KIAA1217: variants seen among roughly 807,000 people sequenced by gnomAD.
KIAA1217 encodes KIAA1217, also known as sickle tail protein homolog.
Under a neutral mutation model 163.9 loss-of-function variants are expected in KIAA1217, and 88 were observed. The observed-to-expected ratio is 0.54, with a 90% confidence interval of 0.45 to 0.64. KIAA1217 has a LOEUF of 0.64. Among genes scored for constraint, KIAA1217 ranks in the 30% least tolerant of loss-of-function variants. The pLI is 0.00. For synonymous variants in KIAA1217, 903 were observed against 923.1 expected (o/e 0.98, Z 0.39); for missense variants, 2,372 against 2,475.0 (o/e 0.96, Z 0.88).
At chr10:24,542,100 G>A (rs553895664) in intron 17 of KIAA1217, among the ~76,000 whole-genome samples, 7 of 152,044 alleles carry the variant, frequency 4.6e-5, no homozygotes, top group South Asian at 2.1e-4. Context: ...ATGTTTTTTC[G>A]TCCCCAAATG....
At chr10:24,137,019 G>A (rs931617618) in intron 2 of KIAA1217, among the ~76,000 whole-genome samples, 9 of 152,214 alleles carry the variant, frequency 5.9e-5, no homozygotes, top group South Asian at 2.1e-4. Context: ...GAAAGATGAC[G>A]GTGTCATTAA....
At chr10:23,720,903 A>T (rs1837846277) in intron 1 of KIAA1217, among the ~76,000 whole-genome samples, 1 of 152,166 alleles carries the variant, frequency 6.6e-6, no homozygotes, top group Non-Finnish European at 1.5e-5. Flanking sequence ...TAAGGGATGA[A>T]AAATATGAGT....
In KIAA1217 at chr10:24,030,153, C is replaced by T. The variant is rs139192234; in HGVS notation, c.-171+22779C>T. On this transcript the variant is annotated intron_variant, in intron 2 of 18. Transcript: ENST00000376462. Reference sequence around the variant, plus strand: ...TATCATTGTGATAAAATAGGCATAACATAAAATTCACCATTTTAAGCATTT... The same window carrying T: ...TATCATTGTGATAAAATAGGCATAATATAAAATTCACCATTTTAAGCATTT... Among the ~76,000 whole-genome samples, 63 of 152,284 alleles carry T rather than the reference C, an allele frequency of 4.1e-4. No homozygotes were observed. In the South Asian group the frequency reaches 0.012, roughly 29 times the overall value.
chr10:23,790,711 A>ATG (rs1554795381), intron 1 of KIAA1217, among the ~76,000 whole-genome samples: 8 of 140,376 alleles, frequency 5.7e-5, no homozygotes, highest in African/African-American at 2.1e-4. Context: ...ACACATATAT[A>ATG]TATGTATGTA....
intron 2 of KIAA1217, among the ~76,000 whole-genome samples, chr10:24,144,208 AC>A (rs1179227717): frequency 6.6e-6 from 1 of 152,246 alleles, no homozygotes; most frequent in Admixed American, 6.5e-5. Context: ...ACAAGGGGCT[AC>A]CTTCTCCATG....
intron 1 of KIAA1217, among the ~76,000 whole-genome samples, chr10:23,767,487 G>A (rs1029825039): frequency 6.6e-6 from 1 of 152,162 alleles, no homozygotes; most frequent in African/African-American, 2.4e-5. Context: ...TGTAATCCCA[G>A]CACTATGGGA....
At chr10:24,507,292 CAT>C (rs774085822) in intron 9 of KIAA1217, among the ~76,000 whole-genome samples, 2 of 152,144 alleles carry the variant, frequency 1.3e-5, no homozygotes, top group Non-Finnish European at 2.9e-5. Context: ...AATTACTAGA[CAT>C]GTGATGATGC....
chr10:23,827,323 G>A (rs1837941290), intron 1 of KIAA1217, among the ~76,000 whole-genome samples: 1 of 152,120 alleles, frequency 6.6e-6, no homozygotes, highest in South Asian at 2.1e-4. Context: ...ACTTTCACTG[G>A]CTCTGTGGCA....
chr10:23,777,157 C>T (rs1226940801), intron 1 of KIAA1217, among the ~76,000 whole-genome samples: 1 of 152,136 alleles, frequency 6.6e-6, no homozygotes, highest in East Asian at 1.9e-4. Context: ...AACATGAACT[C>T]CAGAGAAATG....
chr10:24,429,889 T>C (rs566389487), intron 3 of KIAA1217, among the ~76,000 whole-genome samples: 3 of 152,130 alleles, frequency 2.0e-5, no homozygotes, highest in Non-Finnish European at 4.4e-5. Flanking sequence ...ATGGCTGTCA[T>C]CCCAGAACTT....
Position 24,494,560 on chromosome 10 carries a change from G to C in KIAA1217, c.1740G>C (p.Ala580=). 1.2e-6 allele frequency: 2 copies of C among 1,613,908 alleles called. No individual in the cohort carries two copies. The highest frequency in any genetic ancestry group is 1.7e-6 in the Non-Finnish European group (2 of 1,179,870). The change falls in exon 7 of 21, where the codon GCG becomes GCC. Residue 580 remains alanine (A), a synonymous_variant. Transcript: ENST00000376454. ...IASLTGLVQS[A]LFKGPITSYS... ...GTTTAACTGGCCTTGTTCAGTCTGC[G>C]CTTTTTAAAGGGCCCATTACAAGTT...
At chr10:24,305,965 A>G (rs1030362775) in intron 2 of KIAA1217, among the ~76,000 whole-genome samples, 10 of 152,146 alleles carry the variant, frequency 6.6e-5, no homozygotes, top group African/African-American at 2.4e-4. Context: ...AAGGGAAACC[A>G]TGCTGGGATT....
intron 2 of KIAA1217, among the ~76,000 whole-genome samples, chr10:24,372,661 A>T (rs973036675): frequency 2.6e-5 from 4 of 152,176 alleles, no homozygotes; most frequent in Non-Finnish European, 5.9e-5. Flanking sequence ...GAAATTATTT[A>T]AAAAGAATGT....
intron 2 of KIAA1217, among the ~76,000 whole-genome samples, chr10:24,271,566 C>A (rs559008273): frequency 1.3e-5 from 2 of 151,922 alleles, no homozygotes; most frequent in African/African-American, 4.8e-5. Context: ...GCGTGGGCAA[C>A]GTGGCAAAAC....
exon 1 of KIAA1217, chr10:23,694,865 G>A (rs913986428): frequency 1.3e-5 from 2 of 152,690 alleles, no homozygotes; most frequent in East Asian, 3.9e-4. Context: ...GGGGAGCCTC[G>A]AGAGCCTCCA....
In KIAA1217 at chr10:24,273,577, C is replaced by T. The variant is rs546521351; in HGVS notation, c.354+53668C>T. Among the ~76,000 whole-genome samples the T allele has an allele frequency of 1.6e-4, 24 of 152,164 alleles. 1 individual carries two copies. In the South Asian group the frequency reaches 4.4e-3, roughly 28 times the overall value. Reference sequence around the variant, plus strand: ...TTAGAAGTCCAAGTTATTGGCTGGACGCCATGGCTCATGCCTGTAATCCAA... The same window carrying T: ...TTAGAAGTCCAAGTTATTGGCTGGATGCCATGGCTCATGCCTGTAATCCAA... On this transcript the variant is annotated intron_variant, in intron 2 of 20. Transcript: ENST00000376454.
rs1322024514 is a variant in KIAA1217 at position 23,745,985 on chromosome 10, G to T, written c.-321+50751G>T. Among the ~76,000 whole-genome samples, 4 of 152,162 alleles carry T rather than the reference G, an allele frequency of 2.6e-5. No homozygotes were observed. The East Asian group carries it at 7.7e-4, about 29-fold the overall frequency. ...ACACCACTTTTTGAAGGACTACACT[G>T]AATGTCATTCACCATGTTCCCTGCC... On this transcript the variant is annotated intron_variant, in intron 1 of 18. Transcript: ENST00000376462.
chr10:24,100,683 C>G (rs1482916803), intron 2 of KIAA1217, among the ~76,000 whole-genome samples: 3 of 152,164 alleles, frequency 2.0e-5, no homozygotes, highest in African/African-American at 7.2e-5. Flanking sequence ...ATCAACTTTT[C>G]CCTTTTCAAA....
intron 1 of KIAA1217, among the ~76,000 whole-genome samples, chr10:24,005,810 T>C (rs1434937924): frequency 1.3e-5 from 2 of 152,130 alleles, no homozygotes; most frequent in African/African-American, 4.8e-5. Flanking sequence ...TTCTAAGTAT[T>C]AGACAAAACA....
Sources: allele counts gnomAD v4.1 joint callset (sites outside exome capture counted in the v4.1 genomes callset), GRCh38; gene constraint gnomAD v4.1.1; transcripts MANE v1.5; gene names NCBI Gene and HGNC (gene_info 2026-07-23, HGNC 2026-07-21).